Variants in NR1H4 observed in about 807,000 individuals in gnomAD.
The protein encoded by NR1H4 is bile acid receptor.
In NR1H4, 23 loss-of-function variants were observed where a neutral mutation model predicts 58.5. The ratio of observed to expected loss-of-function variants is 0.39; its 90% CI spans 0.28 to 0.56. The LOEUF (loss-of-function observed/expected upper bound fraction) is 0.56. Ranked by LOEUF, NR1H4 falls within the 20% of genes least tolerant of loss-of-function variation. The pLI is 0.58. For missense variants in NR1H4, 487 were observed against 576.9 expected (o/e 0.84, Z 1.60); for synonymous variants, 214 against 198.0 (o/e 1.08, Z -0.68).
At chr12:100,532,391 C>A in intron 4 of NR1H4, 67 bp from the exon 5 acceptor site, 1 of 1,554,854 alleles carries the variant, frequency 6.4e-7, no homozygotes, top group South Asian at 1.1e-5. Context: ...ATCTCTCAAT[C>A]CAAACCTGTT....
chr12:100,505,849 T>TTTGTTTAC (rs1953947228), intron 3 of NR1H4: 1 of 441,442 alleles, frequency 2.3e-6, no homozygotes, highest in African/African-American at 2.0e-5. Flanking sequence ...CAATGTTGTA[T>TTTGTTTAC]TTGTTTACTT....
At chr12:100,507,954 G>A (rs559388031) in intron 3 of NR1H4, among the ~76,000 whole-genome samples, 2 of 152,100 alleles carry the variant, frequency 1.3e-5, no homozygotes, top group South Asian at 4.2e-4. Flanking sequence ...TAAACTATTA[G>A]TCATATACTT....
intron 1 of NR1H4, among the ~76,000 whole-genome samples, chr12:100,489,164 T>C (rs1011459885): frequency 6.6e-6 from 1 of 152,200 alleles, no homozygotes; most frequent in Non-Finnish European, 1.5e-5. Context: ...AGTAAGAAGC[T>C]GTTAAGAGGT....
intron 4 of NR1H4, among the ~76,000 whole-genome samples, chr12:100,524,410 C>G (rs1954504417): frequency 6.6e-6 from 1 of 152,076 alleles, no homozygotes; most frequent in African/African-American, 2.4e-5. Context: ...TGCTGGGGAC[C>G]AGGTGCCGGT....
chr12:100,484,405 C>T (rs1156775690), intron 1 of NR1H4, among the ~76,000 whole-genome samples: 2 of 152,106 alleles, frequency 1.3e-5, no homozygotes, highest in Non-Finnish European at 2.9e-5. Context: ...TATTGATAAC[C>T]AGAAAGTGGG....
chr12:100,478,740 C>T (rs931468722), intron 1 of NR1H4, among the ~76,000 whole-genome samples: 2 of 152,146 alleles, frequency 1.3e-5, no homozygotes, highest in African/African-American at 4.8e-5. Flanking sequence ...CTACAATGAA[C>T]ATCCTGGTGC....
At chr12:100,546,597 A>G (rs1955076364) in intron 9 of NR1H4, among the ~76,000 whole-genome samples, 1 of 152,096 alleles carries the variant, frequency 6.6e-6, no homozygotes, top group African/African-American at 2.4e-5. Context: ...CAGGAGGCTG[A>G]GGCAGGAGAA....
At chr12:100,554,659 C>T (rs1344551001) in intron 9 of NR1H4, among the ~76,000 whole-genome samples, 2 of 152,108 alleles carry the variant, frequency 1.3e-5, no homozygotes, top group East Asian at 3.9e-4. Context: ...TCAGACTTTT[C>T]CATGGCAAAG....
rs796800205 is a variant in NR1H4, at chr12:100,545,664, A to C, written c.1078+4846A>C. ...CTCAAAAAAAAAAAAAAAAAAAAAA[A>C]AAAAACCAAACGGGGGGCATATATG... On this transcript the variant is annotated intron_variant, in intron 9 of 10. Coordinates refer to ENST00000392986, the MANE Select transcript of NR1H4 (RefSeq NM_001206979.2). Among the ~76,000 whole-genome samples the C allele has an allele frequency of 1.7e-3, 220 of 129,080 alleles. 13 individuals are homozygous for C. Among genetic ancestry groups the C allele is most frequent in the Non-Finnish European group, 1.8e-3 (123 of 67,070 alleles). 84.7% of individuals were successfully genotyped at this position (129,080 alleles called of 152,430 possible).
At chr12:100,554,824 G>A (rs1055724228) in intron 9 of NR1H4, among the ~76,000 whole-genome samples, 1 of 152,158 alleles carries the variant, frequency 6.6e-6, no homozygotes, top group Non-Finnish European at 1.5e-5. Flanking sequence ...TGATGTTAGT[G>A]TTACATCTCC....
chr12:100,479,636 A>G (rs1249118168), intron 1 of NR1H4, among the ~76,000 whole-genome samples: 1 of 152,190 alleles, frequency 6.6e-6, no homozygotes, highest in African/African-American at 2.4e-5. Flanking sequence ...GATTTCCCTC[A>G]TTCTCCTCAC....
intron 4 of NR1H4, among the ~76,000 whole-genome samples, chr12:100,526,921 G>A (rs939242628): frequency 6.6e-6 from 1 of 152,176 alleles, no homozygotes; most frequent in African/African-American, 2.4e-5. Context: ...TTTATTTAGA[G>A]ACAGAAAAAT....
At chr12:100,528,058 C>T (rs1402612067) in intron 4 of NR1H4, among the ~76,000 whole-genome samples, 3 of 152,142 alleles carry the variant, frequency 2.0e-5, no homozygotes, top group Non-Finnish European at 4.4e-5. Context: ...TAGTTACTCA[C>T]CTCTGTGTGT....
Position 100,561,879 on chromosome 12 carries a change from C to A in NR1H4, c.1079-6C>A. 1 of 1,119,662 alleles carries A rather than the reference C, an allele frequency of 8.9e-7. No individual in the cohort carries two copies. The highest frequency in any genetic ancestry group is 1.4e-6 in the Non-Finnish European group (1 of 729,726). 69.4% of individuals were successfully genotyped at this position (1,119,662 alleles called of 1,614,324 possible). On this transcript the variant is annotated splice_polypyrimidine_tract_variant and splice_region_variant and intron_variant, in intron 9 of 10. Coordinates refer to ENST00000392986, the MANE Select transcript of NR1H4 (RefSeq NM_001206979.2). ...ATTGTATTATGATTGCAACTTTCCC[C>A]CACAGGTATCTCTGATGAATATATA...
intron 3 of NR1H4, among the ~76,000 whole-genome samples, chr12:100,498,643 A>G (rs978948014): frequency 6.6e-6 from 1 of 152,128 alleles, no homozygotes; most frequent in Admixed American, 6.5e-5. Context: ...AAAACAAGAA[A>G]AAAACACCAA....
At chr12:100,482,012 G>A (rs1953392439) in intron 1 of NR1H4, among the ~76,000 whole-genome samples, 1 of 152,148 alleles carries the variant, frequency 6.6e-6, no homozygotes, top group Non-Finnish European at 1.5e-5. Flanking sequence ...TGAGGTGTGA[G>A]GATTGCTTGA....
intron 3 of NR1H4, among the ~76,000 whole-genome samples, chr12:100,497,762 GTAA>G (rs1320601589): frequency 1.3e-5 from 2 of 152,264 alleles, no homozygotes; most frequent in East Asian, 3.9e-4. Flanking sequence ...ATAATAAAAA[GTAA>G]TAATGACAAA....
intron 3 of NR1H4, chr12:100,503,344 C>T: frequency 6.3e-7 from 1 of 1,579,184 alleles, no homozygotes; most frequent in African/African-American, 1.3e-5. Context: ...TCCTCTCTCA[C>T]TCCTTACCTA....
intron 9 of NR1H4, among the ~76,000 whole-genome samples, chr12:100,550,275 A>G (rs1955175062): frequency 6.6e-6 from 1 of 152,166 alleles, no homozygotes; most frequent in Non-Finnish European, 1.5e-5. Flanking sequence ...TTTAAGTTGG[A>G]ATTGTTAATA....
Sources: gnomAD v4.1 joint callset for allele counts (sites outside exome capture counted in the v4.1 genomes callset) on GRCh38, gnomAD v4.1.1 for gene constraint, MANE v1.5 for transcripts, NCBI Gene and HGNC (gene_info 2026-07-23, HGNC 2026-07-21) for gene names.